The following CDH4 variants were observed in gnomAD, a reference collection of about 807,000 sequenced individuals.
CDH4 encodes cadherin-4.
In CDH4, 33 loss-of-function variants were observed where a neutral mutation model predicts 86.0. That is an observed-to-expected ratio of 0.38 (90% CI 0.29 to 0.51). CDH4 has a LOEUF of 0.51. Among genes scored for constraint, CDH4 ranks in the 20% least tolerant of loss-of-function variants. The pLI, the probability that CDH4 is intolerant of heterozygous loss-of-function variation, is 0.86. For synonymous variants in CDH4, 555 were observed against 549.4 expected, an observed-to-expected ratio of 1.01 and a Z score of -0.14; for missense variants, 1,114 against 1,307.4, an observed-to-expected ratio of 0.85 and a Z score of 2.28.
At chr20:61,780,100 G>A (rs1978459543) in intron 4 of CDH4, among the ~76,000 whole-genome samples, 1 of 152,186 alleles carries the variant, frequency 6.6e-6, no homozygotes, top group African/African-American at 2.4e-5. Flanking sequence ...CTTGGGAGAT[G>A]GCCTGAATGC....
chr20:61,308,944 G>A (rs956718365), intron 2 of CDH4, among the ~76,000 whole-genome samples: 1 of 152,366 alleles, frequency 6.6e-6, no homozygotes, highest in African/African-American at 2.4e-5. Context: ...GCCTGGATCT[G>A]ATGGGAAGTC....
At chr20:61,574,933 G>A (rs2086371339) in intron 2 of CDH4, among the ~76,000 whole-genome samples, 1 of 152,214 alleles carries the variant, frequency 6.6e-6, no homozygotes, top group Admixed American at 6.5e-5. Context: ...ACAGAGCAAA[G>A]ATAAGCTAAA....
chr20:61,838,057 C>G (rs997407268), intron 4 of CDH4, among the ~76,000 whole-genome samples: 5 of 152,032 alleles, frequency 3.3e-5, no homozygotes, highest in South Asian at 2.1e-4. Flanking sequence ...CTCGGGGTGG[C>G]CTTTTCTGCT....
At chr20:61,362,850 A>G (rs1453038804) in intron 2 of CDH4, among the ~76,000 whole-genome samples, 1 of 152,212 alleles carries the variant, frequency 6.6e-6, no homozygotes, top group Admixed American at 6.5e-5. Flanking sequence ...ACAAGGGTCC[A>G]GCAACGTGCA....
intron 2 of CDH4, among the ~76,000 whole-genome samples, chr20:61,491,300 T>G (rs2085624563): frequency 6.6e-6 from 1 of 152,218 alleles, no homozygotes; most frequent in African/African-American, 2.4e-5. Flanking sequence ...GTTACTTGGT[T>G]GGGCTGTAAT....
In CDH4 at chr20:61,734,713, G is replaced by A. The variant is rs571906381; in HGVS notation, c.170-8850G>A. 3.5e-3 allele frequency among the ~76,000 whole-genome samples: 530 copies of A among 150,734 alleles called. 1 individual carries two copies. The highest frequency in any genetic ancestry group is 5.9e-3 in the Non-Finnish European group (399 of 67,702). On this transcript the variant is annotated intron_variant, in intron 2 of 15. Transcript: ENST00000614565. ...TCCAAGGCCCCTCCCAGCCTGGCATGCTGCAGGCTTGGGGCCGTGGGGAGC... is the reference window on the plus strand; with the variant it reads ...TCCAAGGCCCCTCCCAGCCTGGCATACTGCAGGCTTGGGGCCGTGGGGAGC...
intron 5 of CDH4, among the ~76,000 whole-genome samples, chr20:61,848,446 A>G (rs1311237100): frequency 2.0e-5 from 3 of 152,202 alleles, no homozygotes; most frequent in African/African-American, 7.2e-5. Context: ...ATCTCAGCTT[A>G]CTGTAGCCTC....
intron 2 of CDH4, among the ~76,000 whole-genome samples, chr20:61,404,733 T>G (rs1279013315): frequency 1.3e-5 from 2 of 152,114 alleles, no homozygotes; most frequent in African/African-American, 4.8e-5. Flanking sequence ...TTTTTTTCTT[T>G]TTTTCCTAGG....
At chr20:61,515,408 C>G (rs971756354) in intron 2 of CDH4, among the ~76,000 whole-genome samples, 1 of 152,256 alleles carries the variant, frequency 6.6e-6, no homozygotes, top group Non-Finnish European at 1.5e-5. Context: ...TGAGGACCCT[C>G]CTGGGCTCAT....
chr20:61,870,905 T>C (rs1483281148), intron 6 of CDH4, among the ~76,000 whole-genome samples: 1 of 152,234 alleles, frequency 6.6e-6, no homozygotes, highest in East Asian at 1.9e-4. Flanking sequence ...TGCAGGTGTT[T>C]GTTCTGGTGT....
intron 2 of CDH4, among the ~76,000 whole-genome samples, chr20:61,311,803 G>GA (rs1217861763): frequency 2.6e-5 from 4 of 152,238 alleles, no homozygotes; most frequent in Non-Finnish European, 4.4e-5. Context: ...TGTCAAGCCT[G>GA]AAAAAACAAA....
intron 2 of CDH4, among the ~76,000 whole-genome samples, chr20:61,595,551 C>CA (rs1205113362): frequency 1.3e-5 from 2 of 152,264 alleles, no homozygotes; most frequent in African/African-American, 4.8e-5. Flanking sequence ...CTGGAACAAA[C>CA]AATAAGAACT....
Position 61,501,856 on chromosome 20 carries a change from G to A in CDH4, c.170-241707G>A, listed in dbSNP as rs747236284. Among the ~76,000 whole-genome samples the A allele has an allele frequency of 1.3e-4, 20 of 152,276 alleles. No homozygotes were observed. The highest frequency in any genetic ancestry group is 9.8e-4 in the Admixed American group (15 of 15,300). ...TCCGGTGCTAACGCTGGACACGTGT[G>A]TCCTTGTATATACCTGTTGCGCCTG... On this transcript the variant is annotated intron_variant, in intron 2 of 15. Coordinates refer to ENST00000614565, the MANE Select transcript of CDH4 (RefSeq NM_001794.5). The surrounding 1 kb of genome is among the most constrained non-coding windows in gnomAD (Gnocchi z 4.2).
chr20:61,783,493 C>A (rs1335775426), intron 4 of CDH4, among the ~76,000 whole-genome samples: 1 of 151,682 alleles, frequency 6.6e-6, no homozygotes, highest in Non-Finnish European at 1.5e-5. Context: ...GTCCTGTGCC[C>A]CCGAAAGAAA....
chr20:61,897,848 C>T (rs986392103), intron 8 of CDH4, among the ~76,000 whole-genome samples: 16 of 152,216 alleles, frequency 1.1e-4, no homozygotes, highest in African/African-American at 2.9e-4. Flanking sequence ...TTGAGGAGTA[C>T]GCAGATATGT....
intron 3 of CDH4, among the ~76,000 whole-genome samples, chr20:61,759,574 A>G (rs1462933450): frequency 3.3e-5 from 5 of 152,242 alleles, no homozygotes; most frequent in Non-Finnish European, 7.3e-5. Flanking sequence ...AATGCACAAA[A>G]TATGAACGAT....
At chr20:61,534,559 C>T (rs2000284) in intron 2 of CDH4, among the ~76,000 whole-genome samples, 1 of 151,968 alleles carries the variant, frequency 6.6e-6, no homozygotes. Flanking sequence ...GGCACGGGAC[C>T]GGGCCGGAGG....
chr20:61,818,705 A>AAG (rs1980862366), intron 4 of CDH4, among the ~76,000 whole-genome samples: 1 of 149,646 alleles, frequency 6.7e-6, no homozygotes, highest in Non-Finnish European at 1.5e-5. Flanking sequence ...AAAAAAAAAA[A>AAG]GCGGGAAGTT....
In CDH4 at chr20:61,765,345, A is replaced by G. The variant is rs574495315; in HGVS notation, c.397-7658A>G. On this transcript the variant is annotated intron_variant, in intron 3 of 15. Coordinates refer to ENST00000614565, the MANE Select transcript of CDH4 (RefSeq NM_001794.5). ...CTCTGATGATGCCCCAGACTGCAGA[A>G]TCTCCCCACCCCTGGGCTCTGTTCG... 2.0e-5 allele frequency among the ~76,000 whole-genome samples: 3 copies of G among 152,206 alleles called. No individual in the cohort carries two copies. The East Asian group carries it at 5.8e-4, about 29-fold the overall frequency.
Sources: gnomAD v4.1 joint callset for allele counts (sites outside exome capture counted in the v4.1 genomes callset) on GRCh38, gnomAD v4.1.1 for gene constraint, Gnocchi (gnomAD v3.1) non-coding constraint, MANE v1.5 for transcripts, NCBI Gene and HGNC (gene_info 2026-07-23, HGNC 2026-07-21) for gene names.